Variants in FUT9 observed in about 807,000 individuals in gnomAD.
FUT9 encodes the protein 4-galactosyl-N-acetylglucosaminide 3-alpha-L-fucosyltransferase 9.
Under a neutral mutation model 29.7 loss-of-function variants are expected in FUT9, and 15 were observed. That is an observed-to-expected ratio of 0.51 (90% CI 0.34 to 0.78). FUT9 has a LOEUF of 0.78. Among genes scored for constraint, FUT9 ranks in the 30% least tolerant of loss-of-function variants. The pLI is 0.01. For synonymous variants in FUT9, 169 were observed against 153.7 expected, an observed-to-expected ratio of 1.10 and a Z score of -0.74; for missense variants, 319 against 425.4, an observed-to-expected ratio of 0.75 and a Z score of 2.20.
At chr6:96,022,698 G>A (rs906666750) in intron 1 of FUT9, among the ~76,000 whole-genome samples, 3 of 151,810 alleles carry the variant, frequency 2.0e-5, no homozygotes, top group Non-Finnish European at 4.4e-5. Flanking sequence ...TTTTATAAGC[G>A]AGGTTCATAG....
At chr6:96,016,777 T>C (rs1334839716) in intron 1 of FUT9, among the ~76,000 whole-genome samples, 1 of 152,172 alleles carries the variant, frequency 6.6e-6, no homozygotes, top group Non-Finnish European at 1.5e-5. Flanking sequence ...TTTCTGACAG[T>C]CACCTCAGGA....
At chr6:96,123,622 A>C (rs1383438708) in intron 2 of FUT9, among the ~76,000 whole-genome samples, 1 of 152,214 alleles carries the variant, frequency 6.6e-6, no homozygotes, top group Non-Finnish European at 1.5e-5. Context: ...ATGTTCACTG[A>C]GAGGCAGAGC....
Position 96,140,676 on chromosome 6 carries a change from G to A in FUT9, c.-9+26549G>A, listed in dbSNP as rs994881807. ...GTGGCAGGCAAAAGAACGTATGCAA[G>A]AGAACTGCCCTTTATAAAACCATCA... On this transcript the variant is annotated intron_variant, in intron 2 of 2. Transcript: ENST00000302103. Among the ~76,000 whole-genome samples the A allele has an allele frequency of 9.2e-5, 14 of 152,268 alleles. 1 individual carries two copies. Among genetic ancestry groups the A allele is most frequent in the Admixed American group, 5.2e-4 (8 of 15,288 alleles).
intron 1 of FUT9, among the ~76,000 whole-genome samples, chr6:96,102,393 T>C (rs193138866): frequency 6.6e-6 from 1 of 152,288 alleles, no homozygotes; most frequent in East Asian, 1.9e-4. Context: ...TTATGTTTTG[T>C]TTTTACTGAG....
At chr6:96,045,689 G>C (rs1234751622) in intron 1 of FUT9, among the ~76,000 whole-genome samples, 1 of 152,188 alleles carries the variant, frequency 6.6e-6, no homozygotes, top group Non-Finnish European at 1.5e-5. Flanking sequence ...GTAGAGAAAA[G>C]GGTGCTTGGA....
chr6:96,082,306 A>G (rs1045386688), intron 1 of FUT9, among the ~76,000 whole-genome samples: 4 of 151,782 alleles, frequency 2.6e-5, no homozygotes, highest in African/African-American at 9.7e-5. Context: ...TGAAATATTT[A>G]ATACCTCTTA....
chr6:96,048,515 G>T (rs1770606155), intron 1 of FUT9, among the ~76,000 whole-genome samples: 1 of 152,178 alleles, frequency 6.6e-6, no homozygotes. Context: ...GAGAAGCAAG[G>T]TTTCCAAATT....
chr6:96,018,129 T>C (rs370189479), intron 1 of FUT9, among the ~76,000 whole-genome samples: 13 of 152,252 alleles, frequency 8.5e-5, no homozygotes, highest in Admixed American at 5.9e-4. Context: ...GTTTTCTAAA[T>C]TTGAAAATTT....
At chr6:96,095,806 AGTTT>A (rs1771485497) in intron 1 of FUT9, among the ~76,000 whole-genome samples, 1 of 152,058 alleles carries the variant, frequency 6.6e-6, no homozygotes, top group Non-Finnish European at 1.5e-5. Context: ...CAGCTCAACT[AGTTT>A]GTTAGATGTG....
intron 2 of FUT9, among the ~76,000 whole-genome samples, chr6:96,125,099 T>C (rs138028358): frequency 1.5e-3 from 231 of 152,328 alleles, no homozygotes; most frequent in African/African-American, 5.2e-3. Flanking sequence ...ACCTCCTTTA[T>C]CTGTAAAATA....
At chr6:96,166,757 A>G (rs1773022409) in intron 2 of FUT9, among the ~76,000 whole-genome samples, 1 of 152,056 alleles carries the variant, frequency 6.6e-6, no homozygotes, top group Admixed American at 6.6e-5. Context: ...CATGCTCAAG[A>G]GTCTGTTGTA....
At chr6:96,202,294 T>C (rs1773739677) in intron 2 of FUT9, among the ~76,000 whole-genome samples, 1 of 152,138 alleles carries the variant, frequency 6.6e-6, no homozygotes, top group South Asian at 2.1e-4. Flanking sequence ...CTTCATGAAA[T>C]ATAGCCCTTT....
At chr6:96,157,767 T>C (rs1772813203) in intron 2 of FUT9, among the ~76,000 whole-genome samples, 1 of 152,136 alleles carries the variant, frequency 6.6e-6, no homozygotes, top group Admixed American at 6.5e-5. Flanking sequence ...ATAATTTGAA[T>C]CAATATCATA....
intron 2 of FUT9, among the ~76,000 whole-genome samples, chr6:96,175,728 C>A (rs1341765934): frequency 6.6e-6 from 1 of 152,140 alleles, no homozygotes; most frequent in African/African-American, 2.4e-5. Context: ...CGATTGCAAA[C>A]TTTCTATAGG....
chr6:96,056,231 T>C (rs1454231173), intron 1 of FUT9, among the ~76,000 whole-genome samples: 1 of 152,214 alleles, frequency 6.6e-6, no homozygotes, highest in Admixed American at 6.5e-5. Flanking sequence ...ATGATCAATA[T>C]CTGCTTTCAA....
intron 2 of FUT9, among the ~76,000 whole-genome samples, chr6:96,168,712 C>T (rs886567845): frequency 6.6e-6 from 1 of 151,990 alleles, no homozygotes; most frequent in Admixed American, 6.6e-5. Flanking sequence ...AAGTGAAATA[C>T]AAGAGTAAAT....
chr6:96,212,102 T>C lies in FUT9; in HGVS notation c.*7867T>C, dbSNP rs1382765517. Reference sequence around the variant, plus strand: ...GGGTTCAGGAAATAGAAAGGCAGTCTCTGCAGAAGCAGTATCCAAAGGCTA... The same window carrying C: ...GGGTTCAGGAAATAGAAAGGCAGTCCCTGCAGAAGCAGTATCCAAAGGCTA... On this transcript the variant is annotated 3_prime_UTR_variant, in exon 3 of 3. Transcript: ENST00000302103. 2 of 412,500 alleles carry C rather than the reference T, an allele frequency of 4.8e-6. No individual in the cohort carries two copies. The highest frequency in any genetic ancestry group is 4.1e-5 in the African/African-American group (2 of 48,606). The allele number at this position is 412,500 out of a possible 1,614,324, so 25.6% of individuals were successfully genotyped here. A position where few individuals can be genotyped will look rare whatever the true frequency, so the allele number is the denominator to read the frequency against.
chr6:96,120,649 T>C (rs1469904388), intron 2 of FUT9, among the ~76,000 whole-genome samples: 2 of 133,980 alleles, frequency 1.5e-5, no homozygotes, highest in Non-Finnish European at 3.1e-5. Context: ...CTATTCTGCC[T>C]GGTGAATAAC....
intron 1 of FUT9, among the ~76,000 whole-genome samples, chr6:96,058,355 G>T (rs535238015): frequency 6.6e-6 from 1 of 150,498 alleles, no homozygotes; most frequent in African/African-American, 2.4e-5. Flanking sequence ...AGCTAGAAAG[G>T]AACCCTCACT....
Sources: gnomAD v4.1 joint callset for allele counts (sites outside exome capture counted in the v4.1 genomes callset) on GRCh38, gnomAD v4.1.1 for gene constraint, MANE v1.5 for transcripts, NCBI Gene and HGNC (gene_info 2026-07-23, HGNC 2026-07-21) for gene names.